The following HNF4G variants were observed in gnomAD, a reference collection of about 807,000 sequenced individuals.
HNF4G encodes the protein hepatocyte nuclear factor 4 gamma, also known as hepatocyte nuclear factor 4-gamma.
HNF4G carries 21 observed loss-of-function variants against 50.9 expected under a neutral mutation model. The observed-to-expected ratio is 0.41, with a 90% confidence interval of 0.29 to 0.59. HNF4G has a LOEUF of 0.59. Ranked by LOEUF, HNF4G falls within the 20% of genes least tolerant of loss-of-function variation. HNF4G has a pLI of 0.26. For missense variants in HNF4G, 527 were observed against 559.4 expected (o/e 0.94, Z 0.58); for synonymous variants, 198 against 185.6 (o/e 1.07, Z -0.54).
At chr8:75,559,966 A>G (rs117286578) in intron 8 of HNF4G, among the ~76,000 whole-genome samples, 2,371 of 152,242 alleles carry the variant, frequency 0.016, 28 homozygotes, top group Middle Eastern at 0.034. Context: ...CTGGTGCATA[A>G]TTTGTTCCTA....
chr8:75,552,997 C>T (rs966203325), intron 4 of HNF4G, 45 bp from the exon 5 acceptor site: 75 of 1,387,660 alleles, frequency 5.4e-5, no homozygotes, highest in Non-Finnish European at 7.0e-5. Context: ...GAATGTTGGC[C>T]ATCTATTATT....
chr8:75,511,730 A>G lies in HNF4G; in HGVS notation c.-24+21522A>G, dbSNP rs151321104. Among the ~76,000 whole-genome samples the G allele has an allele frequency of 9.5e-4, 144 of 152,288 alleles. 1 individual carries two copies. The highest frequency in any genetic ancestry group is 2.9e-3 in the South Asian group (14 of 4,822). Reference sequence around the variant, plus strand: ...CTCAGCCTCCCGTGTAGCTGGGACTACAGGCGTCTGTCACTGCGCCCGGCT... The same window carrying G: ...CTCAGCCTCCCGTGTAGCTGGGACTGCAGGCGTCTGTCACTGCGCCCGGCT... On this transcript the variant is annotated intron_variant, in intron 2 of 10. Transcript: ENST00000354370.
intron 2 of HNF4G, among the ~76,000 whole-genome samples, chr8:75,532,708 G>A (rs1290122517): frequency 6.6e-6 from 1 of 151,988 alleles, no homozygotes; most frequent in Non-Finnish European, 1.5e-5. Flanking sequence ...ACTAGCCCCA[G>A]GCTAGTAATC....
At chr8:75,499,840 C>T (rs1563530535) in intron 2 of HNF4G, among the ~76,000 whole-genome samples, 1 of 151,762 alleles carries the variant, frequency 6.6e-6, no homozygotes, top group Non-Finnish European at 1.5e-5. Flanking sequence ...AATTTACATG[C>T]CAAAAAATAA....
chr8:75,431,886 A>G (rs940159971), intron 1 of HNF4G, among the ~76,000 whole-genome samples: 3 of 151,666 alleles, frequency 2.0e-5, no homozygotes, highest in Non-Finnish European at 2.9e-5. Flanking sequence ...AGATCGCACC[A>G]TTGCACTCCA....
At chr8:75,433,482 T>A (rs1041084785) in intron 1 of HNF4G, among the ~76,000 whole-genome samples, 1 of 151,730 alleles carries the variant, frequency 6.6e-6, no homozygotes, top group Non-Finnish European at 1.5e-5. Context: ...ATTAAATCTC[T>A]AAGCAACTCA....
intron 2 of HNF4G, among the ~76,000 whole-genome samples, chr8:75,532,231 C>T (rs1032111491): frequency 4.0e-5 from 6 of 151,842 alleles, no homozygotes; most frequent in African/African-American, 1.5e-4. Context: ...GAAATTGAAT[C>T]TTAATTATTG....
intron 2 of HNF4G, among the ~76,000 whole-genome samples, chr8:75,532,415 T>G (rs1377213860): frequency 1.3e-5 from 2 of 152,122 alleles, no homozygotes; most frequent in Non-Finnish European, 2.9e-5. Flanking sequence ...GGAAATGATC[T>G]TAATACATCG....
intron 2 of HNF4G, among the ~76,000 whole-genome samples, chr8:75,500,369 C>T (rs542104724): frequency 3.3e-5 from 5 of 152,138 alleles, no homozygotes; most frequent in South Asian, 2.1e-4. Context: ...CAGAAAGTAA[C>T]GAGTGTTGGT....
intron 1 of HNF4G, among the ~76,000 whole-genome samples, chr8:75,416,702 G>C (rs1242750675): frequency 1.3e-5 from 2 of 152,178 alleles, no homozygotes; most frequent in Non-Finnish European, 2.9e-5. Context: ...GCATGTCTAT[G>C]TAGACTTCGC....
upstream of HNF4G, among the ~76,000 whole-genome samples, chr8:75,535,777 C>T (rs1009725968): frequency 6.6e-6 from 1 of 151,654 alleles, no homozygotes; most frequent in Non-Finnish European, 1.5e-5. Flanking sequence ...TTTTAAATCA[C>T]GCTGTGTAAG....
chr8:75,506,450 C>G (rs533039361), intron 2 of HNF4G, among the ~76,000 whole-genome samples: 3 of 151,946 alleles, frequency 2.0e-5, no homozygotes, highest in African/African-American at 4.8e-5. Flanking sequence ...TAATACTGTA[C>G]TAAAGTGAAT....
intron 3 of HNF4G, 32 bp downstream of exon 3, chr8:75,547,713 T>C (rs757065751): frequency 2.9e-5 from 38 of 1,308,370 alleles, no homozygotes; most frequent in Non-Finnish European, 4.0e-5. Context: ...ATTAACATTA[T>C]TGATGAAAAG....
intron 1 of HNF4G, among the ~76,000 whole-genome samples, chr8:75,412,719 AT>A (rs547738408): frequency 0.064 from 9,568 of 148,770 alleles, 302 homozygotes; most frequent in African/African-American, 0.078. Flanking sequence ...GTGTTTTAGA[AT>A]TTTTTTTTTT....
At chr8:75,536,184 G>T (rs761428430), upstream of HNF4G, among the ~76,000 whole-genome samples, 9 of 151,810 alleles carry the variant, frequency 5.9e-5, no homozygotes, top group Non-Finnish European at 7.4e-5. Context: ...TGTTAAGAGA[G>T]ATTTTCAGTA....
At chr8:75,530,913 CT>C (rs2130765920) in intron 2 of HNF4G, among the ~76,000 whole-genome samples, 1 of 151,778 alleles carries the variant, frequency 6.6e-6, no homozygotes, top group Admixed American at 6.6e-5. Flanking sequence ...CCACCTCAGC[CT>C]CCCCAGTAGC....
chr8:75,501,321 C>A (rs566111943), intron 2 of HNF4G, among the ~76,000 whole-genome samples: 2 of 152,198 alleles, frequency 1.3e-5, no homozygotes, highest in East Asian at 3.9e-4. Flanking sequence ...GTATGCACAC[C>A]TGTAGTCCCA....
chr8:75,435,427 C>T (rs76829728), intron 1 of HNF4G, among the ~76,000 whole-genome samples: 1,869 of 152,130 alleles, frequency 0.012, 40 homozygotes, highest in African/African-American at 0.041. Flanking sequence ...GTGCAGCTAT[C>T]GAACTTTTTT....
At chr8:75,510,639 C>T (rs1805726418) in intron 2 of HNF4G, among the ~76,000 whole-genome samples, 1 of 152,118 alleles carries the variant, frequency 6.6e-6, no homozygotes, top group African/African-American at 2.4e-5. Flanking sequence ...TAGTAATACA[C>T]TATACAGACT....
Sources: allele counts gnomAD v4.1 joint callset (sites outside exome capture counted in the v4.1 genomes callset), GRCh38; gene constraint gnomAD v4.1.1; transcripts MANE v1.5; gene names NCBI Gene and HGNC (gene_info 2026-07-23, HGNC 2026-07-21).